HS6ST3: variants seen among roughly 807,000 people sequenced by gnomAD.
The protein encoded by HS6ST3 is heparan-sulfate 6-O-sulfotransferase 3.
Under a neutral mutation model 36.7 loss-of-function variants are expected in HS6ST3, and 12 were observed. The ratio of observed to expected loss-of-function variants is 0.33; its 90% CI spans 0.21 to 0.53. The LOEUF (loss-of-function observed/expected upper bound fraction) is 0.53. Ranked by LOEUF, HS6ST3 falls within the 20% of genes least tolerant of loss-of-function variation. The pLI, the probability that HS6ST3 is intolerant of heterozygous loss-of-function variation, is 0.95. For synonymous variants in HS6ST3, 240 were observed against 257.5 expected (o/e 0.93, Z 0.65); for missense variants, 584 against 640.9 (o/e 0.91, Z 0.96).
At position 96,365,126 on chromosome 13, in the gene HS6ST3, G is replaced by T. The variant is rs188904861; in HGVS notation, c.707+273557G>T. 7.2e-5 allele frequency among the ~76,000 whole-genome samples: 11 copies of T among 152,282 alleles called. No individual in the cohort carries two copies. The East Asian group carries it at 2.1e-3, about 29-fold the overall frequency. On this transcript the variant is annotated intron_variant, in intron 1 of 1. Coordinates refer to ENST00000376705, the MANE Select transcript of HS6ST3 (RefSeq NM_153456.4). Reference sequence around the variant, plus strand: ...CAGGCACTCTGTTTTGCTAGGTCAGGTTTAGTCCAGGTTTTAAGTCAGAAT... The same window carrying T: ...CAGGCACTCTGTTTTGCTAGGTCAGTTTTAGTCCAGGTTTTAAGTCAGAAT...
chr13:96,166,138 G>A (rs1453303111), intron 1 of HS6ST3, among the ~76,000 whole-genome samples: 1 of 151,754 alleles, frequency 6.6e-6, no homozygotes, highest in South Asian at 2.1e-4. Flanking sequence ...GCTCACTGTG[G>A]CCTTGAACTT....
At chr13:96,475,636 G>C (rs200455385) in intron 1 of HS6ST3, among the ~76,000 whole-genome samples, 1 of 136,304 alleles carries the variant, frequency 7.3e-6, no homozygotes, top group African/African-American at 2.9e-5. Flanking sequence ...AAAAAGAAAA[G>C]AAAGAAAATT....
chr13:96,665,961 TG>T (rs2056663059), intron 1 of HS6ST3, among the ~76,000 whole-genome samples: 1 of 152,162 alleles, frequency 6.6e-6, no homozygotes, highest in South Asian at 2.1e-4. Context: ...TATGTTACCA[TG>T]ATACGAATAC....
intron 1 of HS6ST3, among the ~76,000 whole-genome samples, chr13:96,773,169 GC>G (rs1233716857): frequency 6.6e-6 from 1 of 152,236 alleles, no homozygotes; most frequent in Non-Finnish European, 1.5e-5. Context: ...TTTGCACCCT[GC>G]AGACCAGGAG....
At chr13:96,116,533 A>G (rs1566885897) in intron 1 of HS6ST3, among the ~76,000 whole-genome samples, 1 of 152,198 alleles carries the variant, frequency 6.6e-6, no homozygotes, top group Non-Finnish European at 1.5e-5. Context: ...GAAATCTCCC[A>G]TCCCCACTCC....
chr13:96,584,352 C>T (rs1478686194), intron 1 of HS6ST3, among the ~76,000 whole-genome samples: 1 of 152,082 alleles, frequency 6.6e-6, no homozygotes, highest in Admixed American at 6.6e-5. Context: ...CCATGTTGGC[C>T]AGACTGGTCT....
intron 1 of HS6ST3, among the ~76,000 whole-genome samples, chr13:96,254,434 AAAAAAAAAAAAAAAATATATATATATAT>A (rs1214026690): frequency 8.7e-5 from 5 of 57,146 alleles, no homozygotes; most frequent in Non-Finnish European, 1.3e-4. Context: ...AAAAAAAAAA[AAAAAAAAAAAAAAAATATATATATATAT>A]ATATATATAT....
intron 1 of HS6ST3, among the ~76,000 whole-genome samples, chr13:96,260,450 T>A (rs1023093203): frequency 2.0e-5 from 3 of 151,884 alleles, no homozygotes; most frequent in Non-Finnish European, 4.4e-5. Context: ...TAGCTGGGAC[T>A]ACAGGTGCCC....
intron 1 of HS6ST3, among the ~76,000 whole-genome samples, chr13:96,707,644 G>A (rs544472493): frequency 6.6e-6 from 1 of 152,322 alleles, no homozygotes; most frequent in South Asian, 2.1e-4. Flanking sequence ...CATATTGAGT[G>A]TGCTTCCTTC....
intron 1 of HS6ST3, among the ~76,000 whole-genome samples, chr13:96,760,194 G>C (rs1340741411): frequency 1.3e-5 from 2 of 151,548 alleles, no homozygotes; most frequent in African/African-American, 4.8e-5. Flanking sequence ...CACTACCATG[G>C]GAACATTTTT....
At chr13:96,287,299 A>T (rs1281194127) in intron 1 of HS6ST3, among the ~76,000 whole-genome samples, 1 of 152,196 alleles carries the variant, frequency 6.6e-6, no homozygotes, top group Non-Finnish European at 1.5e-5. Context: ...ATTTACTTCA[A>T]GGAGTCTTAA....
In HS6ST3 at chr13:96,096,440, T is replaced by A. The variant is rs146939413; in HGVS notation, c.707+4871T>A. Among the ~76,000 whole-genome samples the A allele has an allele frequency of 3.8e-4, 58 of 152,318 alleles. 1 individual carries two copies. Among genetic ancestry groups the A allele is most frequent in the African/African-American group, 1.3e-3 (56 of 41,576 alleles). ...GGGAAAGGGTTAGCCTGGATGGCCTTTTATTTTAAGTTTCGTTAGTTCTAA... is the reference window on the plus strand; with the variant it reads ...GGGAAAGGGTTAGCCTGGATGGCCTATTATTTTAAGTTTCGTTAGTTCTAA... On this transcript the variant is annotated intron_variant, in intron 1 of 1. Transcript: ENST00000376705.
intron 1 of HS6ST3, among the ~76,000 whole-genome samples, chr13:96,246,161 G>A (rs373730856): frequency 2.0e-5 from 3 of 152,020 alleles, no homozygotes; most frequent in Non-Finnish European, 4.4e-5. Flanking sequence ...TCTCTCAGAG[G>A]AGAGCCATAT....
At position 96,542,471 on chromosome 13, in the gene HS6ST3, A is replaced by G. The variant is rs544552088; in HGVS notation, c.708-290019A>G. Among the ~76,000 whole-genome samples, 32 of 152,340 alleles carry G rather than the reference A, an allele frequency of 2.1e-4. 1 individual carries two copies. The highest frequency in any genetic ancestry group is 9.8e-4 in the Admixed American group (15 of 15,300). On this transcript the variant is annotated intron_variant, in intron 1 of 1. Coordinates refer to ENST00000376705, the MANE Select transcript of HS6ST3 (RefSeq NM_153456.4). ...ATTACATAAATACATAATCTAATAC[A>G]TAACAGCCTCCCACGCTTTCAAGGG... is the stretch of plus-strand genomic sequence containing the variant.
chr13:96,694,695 C>G (rs1299241860), intron 1 of HS6ST3, among the ~76,000 whole-genome samples: 2 of 152,148 alleles, frequency 1.3e-5, no homozygotes, highest in East Asian at 3.8e-4. Flanking sequence ...AATTCACCAA[C>G]ACCTGTTATT....
At chr13:96,774,270 T>C (rs1877338659) in intron 1 of HS6ST3, among the ~76,000 whole-genome samples, 1 of 152,014 alleles carries the variant, frequency 6.6e-6, no homozygotes, top group African/African-American at 2.4e-5. Context: ...AAATGCCTCT[T>C]CTCCTCCAAA....
intron 1 of HS6ST3, among the ~76,000 whole-genome samples, chr13:96,376,391 T>G (rs988309191): frequency 1.3e-5 from 2 of 152,162 alleles, no homozygotes; most frequent in Non-Finnish European, 2.9e-5. Flanking sequence ...GTACTGTCTT[T>G]CATGTCAAAC....
intron 1 of HS6ST3, among the ~76,000 whole-genome samples, chr13:96,742,050 G>C (rs139706217): frequency 6.6e-6 from 1 of 152,098 alleles, no homozygotes; most frequent in African/African-American, 2.4e-5. Flanking sequence ...TGAACATCCC[G>C]TTGAGAGAGA....
chr13:96,715,496 C>T (rs1875673029), intron 1 of HS6ST3, among the ~76,000 whole-genome samples: 1 of 152,170 alleles, frequency 6.6e-6, no homozygotes, highest in Non-Finnish European at 1.5e-5. Flanking sequence ...ATTATGTTAT[C>T]TATACTTTAC....
Sources: gnomAD v4.1 joint callset for allele counts (sites outside exome capture counted in the v4.1 genomes callset) on GRCh38, gnomAD v4.1.1 for gene constraint, MANE v1.5 for transcripts, NCBI Gene and HGNC (gene_info 2026-07-23, HGNC 2026-07-21) for gene names.